VPS13C: variants seen among roughly 807,000 people sequenced by gnomAD.
VPS13C encodes the protein intermembrane lipid transfer protein VPS13C.
In VPS13C, 358 loss-of-function variants were observed where a neutral mutation model predicts 456.8. The ratio of observed to expected loss-of-function variants is 0.78; its 90% CI spans 0.72 to 0.86. The LOEUF (loss-of-function observed/expected upper bound fraction) is 0.86. Ranked by LOEUF, VPS13C falls within the 40% of genes least tolerant of loss-of-function variation. The pLI is 0.00. For missense variants in VPS13C, 4,818 were observed against 4,385.4 expected (o/e 1.10, Z -2.79); for synonymous variants, 1,578 against 1,486.7 (o/e 1.06, Z -1.41).
chr15:62,015,314 C>T (rs2047193229), intron 9 of VPS13C, among the ~76,000 whole-genome samples: 1 of 152,126 alleles, frequency 6.6e-6, no homozygotes, highest in South Asian at 2.1e-4. Context: ...TGCCTGTTCA[C>T]TCTGATGGTA....
chr15:61,919,990 T>C, intron 57 of VPS13C, 77 bp downstream of exon 57: 1 of 1,340,008 alleles, frequency 7.5e-7, no homozygotes. Flanking sequence ...CAGCAAAATG[T>C]TTTTTCACAT....
intron 16 of VPS13C, among the ~76,000 whole-genome samples, chr15:62,000,053 G>C (rs1031772562): frequency 2.0e-5 from 3 of 152,038 alleles, no homozygotes; most frequent in Admixed American, 2.0e-4. Context: ...GAGTTTTTCA[G>C]ATTTTTCATT....
Position 61,881,743 on chromosome 15 carries a change from T to G in VPS13C, c.9706+4A>C. 1 of 1,609,020 alleles carries G rather than the reference T, an allele frequency of 6.2e-7. No individual in the cohort carries two copies. Among genetic ancestry groups the G allele is most frequent in the Non-Finnish European group, 8.5e-7 (1 of 1,178,546 alleles). On this transcript the variant is annotated splice_donor_region_variant and intron_variant, in intron 70 of 84. Coordinates refer to ENST00000644861, the MANE Select transcript of VPS13C (RefSeq NM_020821.3). ...TATCTATGTCACAACTTATTTTATT[T>G]TACCTGAATCTAAAGCAATAGATTT...
chr15:61,869,925 T>C (rs1566958291), intron 79 of VPS13C, among the ~76,000 whole-genome samples: 3 of 152,220 alleles, frequency 2.0e-5, no homozygotes, highest in Non-Finnish European at 2.9e-5. Flanking sequence ...GTTTGAGAAC[T>C]ACTGATCTAG....
chr15:61,931,052 A>T (rs1261544896), intron 50 of VPS13C, 38 bp downstream of exon 50: 1 of 1,611,042 alleles, frequency 6.2e-7, no homozygotes. Flanking sequence ...TGCAATGTCA[A>T]CCTTAAATAA....
rs143142937 is a variant in VPS13C at position 61,923,539 on chromosome 15, A to C, written c.6610-777T>G. ...TTTTTTATCCCACAAGATAAAATTG[A>C]AACTCTCTTTAACTTAATGTGCAGA... On this transcript the variant is annotated intron_variant, in intron 53 of 84. Coordinates refer to ENST00000644861, the MANE Select transcript of VPS13C (RefSeq NM_020821.3). Among the ~76,000 whole-genome samples the C allele has an allele frequency of 2.1e-3, 314 of 152,070 alleles. 1 individual carries two copies. Among genetic ancestry groups the C allele is most frequent in the African/African-American group, 7.1e-3 (292 of 41,340 alleles).
At position 61,875,739 on chromosome 15, in the gene VPS13C, G is replaced by T; in HGVS notation, c.10331C>A (p.Pro3444His). The change falls in exon 76 of 85, where the codon CCC becomes CAC. Residue 3444 changes from proline (P) to histidine (H), a missense_variant. This residue lies in a region of VPS13C where 4,552 missense variants were observed against 4,130.6 expected (regional missense o/e 1.10). Coordinates refer to ENST00000644861, the MANE Select transcript of VPS13C (RefSeq NM_020821.3). ...SEGVEALFYEPFQGAVQGPEE... is the reference protein window; with the variant it reads ...SEGVEALFYEHFQGAVQGPEE... Reference sequence around the variant, plus strand: ...CAAATAAGAGGTCAATACCTGGAAGGGTTCATAGAATAAAGCTTCAACTCC... The same window carrying T: ...CAAATAAGAGGTCAATACCTGGAAGTGTTCATAGAATAAAGCTTCAACTCC... 1 of 1,608,916 alleles carries T rather than the reference G, an allele frequency of 6.2e-7. No homozygotes were observed. Among genetic ancestry groups the T allele is most frequent in the Non-Finnish European group, 8.5e-7 (1 of 1,177,510 alleles).
At chr15:61,934,713 G>C (rs2044167661) in intron 48 of VPS13C, among the ~76,000 whole-genome samples, 1 of 152,044 alleles carries the variant, frequency 6.6e-6, no homozygotes, top group East Asian at 1.9e-4. Flanking sequence ...CAGATTTTCT[G>C]CTAGACTAAT....
At chr15:61,913,287 G>T (rs778603560) in intron 62 of VPS13C, 24 bp downstream of exon 62, 1 of 1,598,612 alleles carries the variant, frequency 6.3e-7, no homozygotes. Context: ...GGAATCAAAG[G>T]TAAATAAGGA....
Position 62,023,426 on chromosome 15 carries a change from A to T in VPS13C, c.609T>A (p.Ile203=). 6.6e-7 allele frequency: 1 copy of T among 1,523,656 alleles called. No homozygotes were observed. The highest frequency in any genetic ancestry group is 2.1e-5 in the Admixed American group (1 of 48,626). The allele number at this position is 1,523,656 out of a possible 1,614,324, so 94.4% of individuals were successfully genotyped here. A position where few individuals can be genotyped will look rare whatever the true frequency, so the allele number is the denominator to read the frequency against. Residue 203 remains isoleucine, a synonymous_variant, in exon 8 of 85, where the codon ATT becomes ATA. Coordinates refer to ENST00000644861, the MANE Select transcript of VPS13C (RefSeq NM_020821.3). ...NVQVKITDIH[I]KYEDDVTDPK... ...AATTACTTACATCATCTTCATATTT[A>T]ATGTGAATATCTGTGATTTTTACTT...
At chr15:61,954,589 C>A (rs771031337) in intron 37 of VPS13C, 35 bp from the exon 38 acceptor site, 1 of 1,554,562 alleles carries the variant, frequency 6.4e-7, no homozygotes, top group Non-Finnish European at 8.7e-7. Flanking sequence ...TACTTTTATT[C>A]ACAAATTTCT....
chr15:61,981,781 T>A (rs1185366285), intron 21 of VPS13C, among the ~76,000 whole-genome samples: 1 of 151,948 alleles, frequency 6.6e-6, no homozygotes, highest in Non-Finnish European at 1.5e-5. Flanking sequence ...GAGAATGGCG[T>A]GAACCCAGGA....
Position 61,961,630 on chromosome 15 carries a change from A to G in VPS13C, c.3867T>C (p.Ile1289=), listed in dbSNP as rs2045210318. The change falls in exon 35 of 85, where the codon ATT becomes ATC. Residue 1289 remains isoleucine (I), a synonymous_variant. Coordinates refer to ENST00000644861, the MANE Select transcript of VPS13C (RefSeq NM_020821.3). ...SDEDYLNPPV[I]DRMDVQLTKL... Reference sequence around the variant, plus strand: ...TTGTTAGCTGCACATCCATTCTATCAATTACTGGAGGATTTAAGTAGTCTT... The same window carrying G: ...TTGTTAGCTGCACATCCATTCTATCGATTACTGGAGGATTTAAGTAGTCTT... 6.2e-7 allele frequency: 1 copy of G among 1,611,904 alleles called. No homozygotes were observed. The highest frequency in any genetic ancestry group is 1.3e-5 in the African/African-American group (1 of 74,788).
intron 78 of VPS13C, 35 bp downstream of exon 78, chr15:61,873,210 GT>G: frequency 6.2e-7 from 1 of 1,607,372 alleles, no homozygotes; most frequent in East Asian, 2.2e-5. Context: ...TTTTTTTTAA[GT>G]TGCAGATTTC....
chr15:61,962,507 C>T lies in VPS13C; in HGVS notation c.3467G>A (p.Arg1156His), dbSNP rs771079663. Residue 1156 changes from arginine (R) to histidine (H), a missense_variant, in exon 34 of 85, where the codon CGT becomes CAT. By Grantham distance (29) the Arg-to-His change is conservative. Coordinates refer to ENST00000644861, the MANE Select transcript of VPS13C (RefSeq NM_020821.3). The part of the protein sequence containing the change: ...AVSIMGNEVF[R>H]FNLDLYPDAT... The stretch of plus-strand genomic sequence containing the variant: ...ATCTGGATACAAATCCAAATTAAAA[C>T]GGAAAACTTCATTTCCCATTATTGA... The T allele has an allele frequency of 2.8e-5, 45 of 1,609,636 alleles. No individual in the cohort carries two copies. The highest frequency in any genetic ancestry group is 3.3e-4 in the Middle Eastern group (2 of 6,068).
intron 42 of VPS13C, among the ~76,000 whole-genome samples, chr15:61,948,683 CAA>C (rs201117373): frequency 7.7e-6 from 1 of 129,966 alleles, no homozygotes. Flanking sequence ...AATTCCGTCT[CAA>C]AAAAAAAAAA....
chr15:61,892,692 T>C (rs976302690), intron 66 of VPS13C, among the ~76,000 whole-genome samples: 2 of 152,106 alleles, frequency 1.3e-5, no homozygotes, highest in Non-Finnish European at 2.9e-5. Context: ...ACGTGTGAGT[T>C]CTCAGATCAA....
chr15:62,023,037 C>T (rs2047515885), intron 8 of VPS13C, among the ~76,000 whole-genome samples: 1 of 151,772 alleles, frequency 6.6e-6, no homozygotes, highest in Non-Finnish European at 1.5e-5. Flanking sequence ...CACTTTTTGG[C>T]CAATTAACAT....
rs1250622386 is a variant in VPS13C, at chr15:62,020,546, A to T, written c.625-8T>A. 6.2e-7 allele frequency: 1 copy of T among 1,610,912 alleles called. No individual in the cohort carries two copies. The highest frequency in any genetic ancestry group is 1.3e-5 in the African/African-American group (1 of 74,734). The stretch of plus-strand genomic sequence containing the variant: ...CCGCTTTGGATCAGTGACCTACCAA[A>T]GAAGAAAAGATAACAGTAAAATATG... On this transcript the variant is annotated splice_region_variant and splice_polypyrimidine_tract_variant and intron_variant, in intron 8 of 84. Coordinates refer to ENST00000644861, the MANE Select transcript of VPS13C (RefSeq NM_020821.3).
Sources: gnomAD v4.1 joint callset for allele counts (sites outside exome capture counted in the v4.1 genomes callset) on GRCh38, gnomAD v4.1.1 for gene constraint, gnomAD v4.1.1 regional missense constraint, MANE v1.5 for transcripts, NCBI Gene and HGNC (gene_info 2026-07-23, HGNC 2026-07-21) for gene names.